Variants in ZNF385B observed in about 807,000 individuals in gnomAD.
ZNF385B encodes zinc finger protein 533.
ZNF385B carries 23 observed loss-of-function variants against 39.2 expected under a neutral mutation model. That is an observed-to-expected ratio of 0.59 (90% CI 0.42 to 0.83). The LOEUF is 0.83. ZNF385B is among the 40% of genes least tolerant of loss of function. ZNF385B has a pLI of 0.00. For synonymous variants in ZNF385B, 205 were observed against 222.6 expected (o/e 0.92, Z 0.70); for missense variants, 552 against 598.9 (o/e 0.92, Z 0.82).
intron 3 of ZNF385B, among the ~76,000 whole-genome samples, chr2:179,723,267 C>T (rs1344513481): frequency 6.6e-6 from 1 of 152,096 alleles, no homozygotes; most frequent in Non-Finnish European, 1.5e-5. Flanking sequence ...ATCTCTTAAA[C>T]CTGAAACTCA....
intron 6 of ZNF385B, chr2:179,480,871 C>T (rs898606546): frequency 6.6e-6 from 1 of 151,962 alleles, no homozygotes; most frequent in Non-Finnish European, 1.5e-5. Context: ...AGTAAGGAAA[C>T]ATGAAAAATG....
chr2:179,684,885 A>C (rs1234069704), intron 3 of ZNF385B, among the ~76,000 whole-genome samples: 1 of 152,222 alleles, frequency 6.6e-6, no homozygotes, highest in Non-Finnish European at 1.5e-5. Context: ...TAGGCACTTT[A>C]AGTGAAATAG....
At chr2:179,576,131 A>G (rs1487770473) in intron 3 of ZNF385B, 1 of 985,216 alleles carries the variant, frequency 1.0e-6, no homozygotes, top group Middle Eastern at 5.2e-4. Context: ...TAACCCTCCA[A>G]AACGTCTCAA....
chr2:179,786,841 T>C (rs546076513), intron 1 of ZNF385B, among the ~76,000 whole-genome samples: 2 of 152,226 alleles, frequency 1.3e-5, no homozygotes, highest in African/African-American at 4.8e-5. Context: ...TAATATATAT[T>C]GCCAATTTGA....
At chr2:179,801,376 C>A (rs1375717438) in intron 1 of ZNF385B, among the ~76,000 whole-genome samples, 1 of 152,016 alleles carries the variant, frequency 6.6e-6, no homozygotes, top group Non-Finnish European at 1.5e-5. Context: ...CAGTAACTTC[C>A]CCTTACCTAG....
intron 3 of ZNF385B, among the ~76,000 whole-genome samples, chr2:179,616,048 G>GTAAAA (rs1319681942): frequency 1.3e-5 from 2 of 152,152 alleles, no homozygotes; most frequent in Non-Finnish European, 2.9e-5. Flanking sequence ...ATAAATTGAG[G>GTAAAA]AGTTTATATG....
rs557630729 is a variant in ZNF385B at position 179,691,842 on chromosome 2, T to C, written c.298+77661A>G. Among the ~76,000 whole-genome samples the C allele has an allele frequency of 4.1e-4, 62 of 152,172 alleles. 1 individual carries two copies. Among genetic ancestry groups the C allele is most frequent in the African/African-American group, 1.4e-3 (59 of 41,452 alleles). On this transcript the variant is annotated intron_variant, in intron 3 of 9. Coordinates refer to ENST00000410066, the MANE Select transcript of ZNF385B (RefSeq NM_152520.6). ...GTATCTTATTGTTTTTAAAATGTTT[T>C]ATTTTTTTAAAAAAATATTTTTAAA... is the stretch of plus-strand genomic sequence containing the variant.
chr2:179,614,916 A>G (rs1689605801), intron 3 of ZNF385B, among the ~76,000 whole-genome samples: 1 of 152,236 alleles, frequency 6.6e-6, no homozygotes, highest in African/African-American at 2.4e-5. Flanking sequence ...AAAAACTGCC[A>G]GTAGCATCAA....
At chr2:179,824,828 G>T (rs1374597432) in intron 1 of ZNF385B, among the ~76,000 whole-genome samples, 1 of 151,654 alleles carries the variant, frequency 6.6e-6, no homozygotes, top group Non-Finnish European at 1.5e-5. Context: ...AAGCTAGTTT[G>T]CTGAGGAGAT....
chr2:179,649,813 C>G (rs1043835197), intron 3 of ZNF385B, among the ~76,000 whole-genome samples: 1 of 151,954 alleles, frequency 6.6e-6, no homozygotes, highest in African/African-American at 2.4e-5. Flanking sequence ...TGTTACATTT[C>G]TTTCTAGATT....
intron 3 of ZNF385B, among the ~76,000 whole-genome samples, chr2:179,701,513 TAAG>T (rs1699199376): frequency 6.6e-6 from 1 of 152,168 alleles, no homozygotes; most frequent in Non-Finnish European, 1.5e-5. Flanking sequence ...AAAAAGATAT[TAAG>T]AAGCTTACCC....
intron 4 of ZNF385B, among the ~76,000 whole-genome samples, chr2:179,541,315 T>C (rs891601589): frequency 5.3e-5 from 8 of 152,314 alleles, no homozygotes; most frequent in Middle Eastern, 6.8e-3. Context: ...CTTCATCAGG[T>C]ACAACTTAGC....
chr2:179,590,452 A>G lies in ZNF385B; in HGVS notation c.299-45483T>C, dbSNP rs919646162. Among the ~76,000 whole-genome samples, 4 of 152,344 alleles carry G rather than the reference A, an allele frequency of 2.6e-5. No homozygotes were observed. In the East Asian group the frequency reaches 7.7e-4, roughly 29 times the overall value. ...TTACCATTATTTTACCATCCAGAATATACTAGTATTCACTAATTTGTGGCT... is the reference window on the plus strand; with the variant it reads ...TTACCATTATTTTACCATCCAGAATGTACTAGTATTCACTAATTTGTGGCT... On this transcript the variant is annotated intron_variant, in intron 3 of 9. Transcript: ENST00000410066.
chr2:179,567,455 C>G (rs2105983905), intron 3 of ZNF385B, among the ~76,000 whole-genome samples: 1 of 152,082 alleles, frequency 6.6e-6, no homozygotes, highest in African/African-American at 2.4e-5. Flanking sequence ...ATTTAGAGAA[C>G]AAAAATAATA....
chr2:179,689,473 C>T (rs999749301), intron 3 of ZNF385B, among the ~76,000 whole-genome samples: 4 of 152,128 alleles, frequency 2.6e-5, no homozygotes, highest in African/African-American at 9.7e-5. Flanking sequence ...TCGTGCAGAG[C>T]AGCGCATGGA....
At chr2:179,596,982 C>T (rs1234408879) in intron 3 of ZNF385B, among the ~76,000 whole-genome samples, 1 of 152,188 alleles carries the variant, frequency 6.6e-6, no homozygotes, top group Non-Finnish European at 1.5e-5. Flanking sequence ...CTGAAGGAGA[C>T]AATTCCACTA....
intron 1 of ZNF385B, among the ~76,000 whole-genome samples, chr2:179,782,172 G>A (rs1704706061): frequency 6.6e-6 from 1 of 152,122 alleles, no homozygotes; most frequent in African/African-American, 2.4e-5. Context: ...ATGTAAGGTT[G>A]GTTCAACACA....
intron 3 of ZNF385B, among the ~76,000 whole-genome samples, chr2:179,744,487 C>T (rs1416994326): frequency 6.6e-6 from 1 of 152,086 alleles, no homozygotes; most frequent in Non-Finnish European, 1.5e-5. Context: ...CACACAGTGG[C>T]TTCTAGCAAG....
intron 1 of ZNF385B, among the ~76,000 whole-genome samples, chr2:179,846,444 G>C (rs954972783): frequency 1.4e-4 from 21 of 152,336 alleles, no homozygotes; most frequent in African/African-American, 4.8e-4. Flanking sequence ...CAAGGCCTCT[G>C]AATGAGACAA....
Sources: gnomAD v4.1 joint callset for allele counts (sites outside exome capture counted in the v4.1 genomes callset) on GRCh38, gnomAD v4.1.1 for gene constraint, MANE v1.5 for transcripts, NCBI Gene and HGNC (gene_info 2026-07-23, HGNC 2026-07-21) for gene names.